ARHGAP5: variants seen among roughly 807,000 people sequenced by gnomAD.
ARHGAP5 encodes the protein rho GTPase-activating protein 5.
In ARHGAP5, 23 loss-of-function variants were observed where a neutral mutation model predicts 116.6. That is an observed-to-expected ratio of 0.20 (90% CI 0.14 to 0.28). The LOEUF is 0.28. Among genes scored for constraint, ARHGAP5 ranks in the 10% least tolerant of loss-of-function variants. The pLI, the probability that ARHGAP5 is intolerant of heterozygous loss-of-function variation, is 1.00. For synonymous variants in ARHGAP5, 574 were observed against 602.0 expected, an observed-to-expected ratio of 0.95 and a Z score of 0.68; for missense variants, 1,405 against 1,774.8, an observed-to-expected ratio of 0.79 and a Z score of 3.74.
rs189342041 is a variant in ARHGAP5 at position 32,129,583 on chromosome 14, A to G, written c.3865+12296A>G. Among the ~76,000 whole-genome samples, 35 of 152,326 alleles carry G rather than the reference A, an allele frequency of 2.3e-4. No homozygotes were observed. In the Middle Eastern group the frequency reaches 0.024, roughly 104 times the overall value. On this transcript the variant is annotated intron_variant, in intron 3 of 6. Coordinates refer to ENST00000345122, the MANE Select transcript of ARHGAP5 (RefSeq NM_001030055.2). ...GAATCTTTGTGTTATTGCTAAAGTA[A>G]ATACAACTTCCTTAAGTAAAACCTT...
intron 3 of ARHGAP5, among the ~76,000 whole-genome samples, chr14:32,124,928 T>A (rs1365647734): frequency 6.6e-6 from 1 of 152,136 alleles, no homozygotes; most frequent in East Asian, 1.9e-4. Flanking sequence ...CCTAAAACAC[T>A]AGGGAGAAGA....
At chr14:32,115,850 T>C (rs1879542528) in intron 2 of ARHGAP5, among the ~76,000 whole-genome samples, 1 of 145,116 alleles carries the variant, frequency 6.9e-6, no homozygotes, top group Admixed American at 6.9e-5. Flanking sequence ...TGGTGGTGCA[T>C]GTGGTGTGGT....
intron 1 of ARHGAP5, among the ~76,000 whole-genome samples, chr14:32,082,941 T>C (rs898653818): frequency 2.0e-5 from 3 of 152,288 alleles, no homozygotes; most frequent in Admixed American, 6.5e-5. Context: ...TCCTCTAGAC[T>C]AATCTGTAGT....
intron 2 of ARHGAP5, among the ~76,000 whole-genome samples, chr14:32,095,039 G>T (rs767595190): frequency 6.6e-6 from 1 of 152,066 alleles, no homozygotes; most frequent in African/African-American, 2.4e-5. Context: ...TTTTCACAGT[G>T]GTATTTTAGC....
At chr14:32,124,313 T>G (rs1880038916) in intron 3 of ARHGAP5, among the ~76,000 whole-genome samples, 1 of 152,146 alleles carries the variant, frequency 6.6e-6, no homozygotes, top group South Asian at 2.1e-4. Flanking sequence ...ATTTTTCGAG[T>G]CCTTAGTTTT....
chr14:32,156,795 A>G lies in ARHGAP5; in HGVS notation c.*1847A>G, dbSNP rs577417574. 2.0e-5 allele frequency: 3 copies of G among 152,488 alleles called. No homozygotes were observed. The South Asian group carries it at 6.2e-4, about 32-fold the overall frequency. 9.4% of individuals were successfully genotyped at this position (152,488 alleles called of 1,614,324 possible). A position where few individuals can be genotyped will look rare whatever the true frequency, so the allele number is the denominator to read the frequency against. ...TAAACTGTTTCTAGGTTGCTAAAGAATTTATTTTTCTACTATATATGGTAT... is the reference window on the plus strand; with the variant it reads ...TAAACTGTTTCTAGGTTGCTAAAGAGTTTATTTTTCTACTATATATGGTAT... On this transcript the variant is annotated 3_prime_UTR_variant, in exon 7 of 7. Transcript: ENST00000345122.
chr14:32,085,034 G>T (rs1455762254), intron 1 of ARHGAP5, among the ~76,000 whole-genome samples: 1 of 147,632 alleles, frequency 6.8e-6, no homozygotes, highest in Non-Finnish European at 1.5e-5. Context: ...TGGGATATGA[G>T]TTACTCTCCT....
intron 3 of ARHGAP5, among the ~76,000 whole-genome samples, chr14:32,134,244 C>A (rs1880666208): frequency 6.6e-6 from 1 of 151,868 alleles, no homozygotes; most frequent in Admixed American, 6.6e-5. Flanking sequence ...CCTTTTTTTG[C>A]AGAATATTCC....
chr14:32,131,412 A>G (rs1412694852), intron 3 of ARHGAP5, among the ~76,000 whole-genome samples: 5 of 152,200 alleles, frequency 3.3e-5, no homozygotes, highest in Non-Finnish European at 7.3e-5. Context: ...TATACATTTC[A>G]GTAGTAAATA....
chr14:32,132,533 G>A (rs926061487), intron 3 of ARHGAP5, among the ~76,000 whole-genome samples: 17 of 152,118 alleles, frequency 1.1e-4, no homozygotes, highest in African/African-American at 2.4e-5. Flanking sequence ...CATTTTGTAG[G>A]TTGCCTGTTC....
chr14:32,153,598 G>C (rs1159465692), intron 6 of ARHGAP5, among the ~76,000 whole-genome samples: 1 of 147,090 alleles, frequency 6.8e-6, no homozygotes, highest in Non-Finnish European at 1.5e-5. Flanking sequence ...TCAGCCTCCC[G>C]AGTAGCTGGG....
chr14:32,126,206 A>G (rs1237411499), intron 3 of ARHGAP5, among the ~76,000 whole-genome samples: 3 of 150,712 alleles, frequency 2.0e-5, no homozygotes, highest in East Asian at 1.9e-4. Flanking sequence ...ATCATGGAGT[A>G]TGATATCAGC....
intron 3 of ARHGAP5, among the ~76,000 whole-genome samples, chr14:32,140,808 T>C (rs930498828): frequency 2.0e-5 from 3 of 152,208 alleles, no homozygotes; most frequent in Non-Finnish European, 4.4e-5. Flanking sequence ...TGTTGTTAGA[T>C]AGAGTGTTCT....
chr14:32,092,442 C>G lies in ARHGAP5; in HGVS notation c.1773C>G (p.Thr591=). The G allele has an allele frequency of 6.2e-7, 1 of 1,613,818 alleles. No homozygotes were observed. Among genetic ancestry groups the G allele is most frequent in the South Asian group, 1.1e-5 (1 of 91,056 alleles). Residue 591 remains threonine (T), a synonymous_variant, in exon 2 of 7, where the codon ACC becomes ACG. Transcript: ENST00000345122. This position sits in a 1 kb window ranked among gnomAD's most constrained non-coding sequence, Gnocchi z 4.1. ...HGRLRLYHDS[T]NIDKVNLFIL... ...GCTTAAGATTATATCACGATAGTAC[C>G]AATATAGATAAAGTTAACCTTTTTA...
chr14:32,085,460 CAAA>C (rs1179254091), intron 1 of ARHGAP5, among the ~76,000 whole-genome samples: 4 of 152,040 alleles, frequency 2.6e-5, no homozygotes, highest in Non-Finnish European at 5.9e-5. Context: ...CAAAAACAAA[CAAA>C]AAACAGTAAA....
intron 3 of ARHGAP5, among the ~76,000 whole-genome samples, chr14:32,124,384 C>T (rs1218275104): frequency 6.6e-6 from 1 of 152,092 alleles, no homozygotes; most frequent in Admixed American, 6.6e-5. Context: ...AAGCAGATGT[C>T]CCTATTTTTA....
intron 1 of ARHGAP5, among the ~76,000 whole-genome samples, chr14:32,089,654 A>T (rs1335921132): frequency 6.6e-6 from 1 of 151,944 alleles, no homozygotes; most frequent in Non-Finnish European, 1.5e-5. Flanking sequence ...GGTGCTACTC[A>T]AAATGTGGTC....
chr14:32,107,671 G>A (rs1233159489), intron 2 of ARHGAP5, among the ~76,000 whole-genome samples: 1 of 152,250 alleles, frequency 6.6e-6, no homozygotes, highest in African/African-American at 2.4e-5. Context: ...GGTTTGAGCA[G>A]TTGGGTAGAT....
chr14:32,120,130 T>C (rs919743239), intron 3 of ARHGAP5, among the ~76,000 whole-genome samples: 4 of 152,100 alleles, frequency 2.6e-5, no homozygotes, highest in Non-Finnish European at 5.9e-5. Context: ...TTAGTAGATA[T>C]AGTGCTATTC....
Sources: allele counts gnomAD v4.1 joint callset (sites outside exome capture counted in the v4.1 genomes callset), GRCh38; gene constraint gnomAD v4.1.1; non-coding constraint Gnocchi (gnomAD v3.1); transcripts MANE v1.5; gene names NCBI Gene and HGNC (gene_info 2026-07-23, HGNC 2026-07-21).